Variants in TPD52 observed in about 807,000 individuals in gnomAD.
The protein encoded by TPD52 is tumor protein D52, also known as prostate and colon associated protein.
A neutral mutation model predicts 31.3 loss-of-function variants in TPD52; 17 were observed. The observed-to-expected ratio is 0.54, with a 90% CI of 0.37 to 0.82. TPD52 has a LOEUF of 0.82. Ranked by LOEUF, TPD52 falls within the 40% of genes least tolerant of loss-of-function variation. TPD52 has a pLI of 0.00. For missense variants in TPD52, 212 were observed against 240.1 expected (o/e 0.88, Z 0.77); for synonymous variants, 83 against 89.6 (o/e 0.93, Z 0.42).
At chr8:80,137,768 A>AGTTT (rs35451164) in intron 1 of TPD52, among the ~76,000 whole-genome samples, 2,081 of 152,220 alleles carry the variant, frequency 0.014, 22 homozygotes, top group Middle Eastern at 0.02. Context: ...AGAAGGGGAT[A>AGTTT]GTTTGGTCCT....
chr8:80,091,792 T>G (rs1266466977), intron 1 of TPD52, among the ~76,000 whole-genome samples: 4 of 152,188 alleles, frequency 2.6e-5, no homozygotes, highest in Non-Finnish European at 5.9e-5. Flanking sequence ...AACTACAGAT[T>G]CTGAGTTAGA....
At chr8:80,051,056 T>C (rs1586159487) in intron 4 of TPD52, among the ~76,000 whole-genome samples, 1 of 149,396 alleles carries the variant, frequency 6.7e-6, no homozygotes, top group South Asian at 2.1e-4. Flanking sequence ...AGCATGAACA[T>C]AGTTACAGCT....
chr8:80,080,740 C>A, intron 1 of TPD52: 2 of 1,093,552 alleles, frequency 1.8e-6, no homozygotes, highest in Non-Finnish European at 2.2e-6. Flanking sequence ...AAAACCTGGG[C>A]AGGGAGCGAG....
At position 80,137,432 on chromosome 8, in the gene TPD52, T is replaced by C. The variant is rs562377896; in HGVS notation, c.19+33993A>G. Among the ~76,000 whole-genome samples, 266 of 152,208 alleles carry C rather than the reference T, an allele frequency of 1.7e-3. 1 individual carries two copies. The highest frequency in any genetic ancestry group is 3.2e-3 in the Non-Finnish European group (220 of 68,012). ...ACTATATGTTAGATTTTTTTTTTAA[T>C]ATCCAAGATACGTGTCAGTTAAAAC... On this transcript the variant is annotated intron_variant, in intron 1 of 7. Transcript: ENST00000518937.
intron 1 of TPD52, among the ~76,000 whole-genome samples, chr8:80,167,086 T>C (rs376824204): frequency 6.0e-4 from 92 of 152,318 alleles, no homozygotes; most frequent in African/African-American, 2.0e-3. Context: ...AAGGCATTTT[T>C]ACATTCTTTT....
chr8:80,069,429 C>A (rs1227352050), intron 1 of TPD52, among the ~76,000 whole-genome samples: 3 of 152,080 alleles, frequency 2.0e-5, no homozygotes, highest in African/African-American at 7.2e-5. Context: ...CGTGCCACTG[C>A]ACTCCAGCCT....
At chr8:80,138,439 G>C (rs1809594082) in intron 1 of TPD52, among the ~76,000 whole-genome samples, 2 of 152,138 alleles carry the variant, frequency 1.3e-5, no homozygotes, top group Admixed American at 1.3e-4. Flanking sequence ...GCAGGTGCTG[G>C]AACACAACTC....
intron 1 of TPD52, among the ~76,000 whole-genome samples, chr8:80,106,239 T>TA (rs146248799): frequency 0.013 from 2,000 of 152,316 alleles, 44 homozygotes; most frequent in African/African-American, 0.045. Context: ...ATCCTTTGTA[T>TA]AACACAAAGG....
At chr8:80,167,027 A>G (rs1811762887) in intron 1 of TPD52, among the ~76,000 whole-genome samples, 1 of 152,164 alleles carries the variant, frequency 6.6e-6, no homozygotes, top group South Asian at 2.1e-4. Context: ...TTTTTTCTCC[A>G]TCAATATTTC....
At chr8:80,114,728 C>A (rs1160223928) in intron 1 of TPD52, among the ~76,000 whole-genome samples, 2 of 152,206 alleles carry the variant, frequency 1.3e-5, no homozygotes, top group South Asian at 4.1e-4. Context: ...GTTGATGTAG[C>A]CCTTTCTGGC....
At chr8:80,059,938 A>G (rs2130634251) in intron 2 of TPD52, among the ~76,000 whole-genome samples, 1 of 151,900 alleles carries the variant, frequency 6.6e-6, no homozygotes, top group South Asian at 2.1e-4. Flanking sequence ...AAAATTAGTC[A>G]GGCGTGGTGG....
chr8:80,155,833 A>T (rs1810928165), intron 1 of TPD52, among the ~76,000 whole-genome samples: 1 of 151,856 alleles, frequency 6.6e-6, no homozygotes, highest in Non-Finnish European at 1.5e-5. Context: ...CAGTGAGCCA[A>T]GATTGTGCCA....
intron 1 of TPD52, among the ~76,000 whole-genome samples, chr8:80,081,729 A>C (rs80113575): frequency 0.034 from 5,125 of 151,878 alleles, 263 homozygotes; most frequent in African/African-American, 0.12. Flanking sequence ...TTTTTTTTTA[A>C]ATACAGAATA....
intron 1 of TPD52, among the ~76,000 whole-genome samples, chr8:80,169,589 C>T (rs568074095): frequency 3.3e-5 from 5 of 152,316 alleles, no homozygotes; most frequent in Admixed American, 2.6e-4. Context: ...ACTCCACTCA[C>T]GTAAGTAAAA....
chr8:80,042,387 G>A lies in TPD52; in HGVS notation c.504+233C>T, dbSNP rs1810475034. ...CAAATTTCTAAAGTGCCATTTCTTT[G>A]TAAATTGTACATTTCCTTTCAGCAT... On this transcript the variant is annotated intron_variant, in intron 7 of 7. Transcript: ENST00000518937. The A allele has an allele frequency of 6.1e-6, 6 of 985,432 alleles. No individual in the cohort carries two copies. The South Asian group carries it at 2.8e-4, about 46-fold the overall frequency. The allele number at this position is 985,432 out of a possible 1,614,324, so 61.0% of individuals were successfully genotyped here.
At position 80,036,267 on chromosome 8, in the gene TPD52, G is replaced by A. The variant is rs967187272; in HGVS notation, c.*1849C>T. On this transcript the variant is annotated 3_prime_UTR_variant, in exon 8 of 8. Coordinates refer to ENST00000518937, the MANE Select transcript of TPD52 (RefSeq NM_001025253.3). ...TGTTGAAAAGTTAGTAGCAGGGCAG[G>A]ATGCTCAAGAAACAATGTGATCAAA... 6.6e-6 allele frequency: 1 copy of A among 152,524 alleles called. No individual in the cohort carries two copies. Among genetic ancestry groups the A allele is most frequent in the Non-Finnish European group, 1.5e-5 (1 of 68,032 alleles). The allele number at this position is 152,524 out of a possible 1,614,324, so 9.4% of individuals were successfully genotyped here.
intron 1 of TPD52, chr8:80,064,934 T>C: frequency 2.2e-6 from 1 of 451,818 alleles, no homozygotes; most frequent in Non-Finnish European, 4.3e-6. Flanking sequence ...AGTAAATCAG[T>C]ATAAATTAGA....
chr8:80,086,284 A>C (rs1469380523), intron 1 of TPD52, among the ~76,000 whole-genome samples: 1 of 151,272 alleles, frequency 6.6e-6, no homozygotes, highest in Non-Finnish European at 1.5e-5. Context: ...ACGCCCAGCT[A>C]ATTTTTGTAT....
At chr8:80,061,690 T>A (rs937617714) in intron 2 of TPD52, among the ~76,000 whole-genome samples, 31 of 152,126 alleles carry the variant, frequency 2.0e-4, no homozygotes, top group South Asian at 1.0e-3. Context: ...CTCAAAAAAA[T>A]TTTTTTAAAT....
Sources: allele counts gnomAD v4.1 joint callset (sites outside exome capture counted in the v4.1 genomes callset), GRCh38; gene constraint gnomAD v4.1.1; transcripts MANE v1.5; gene names NCBI Gene and HGNC (gene_info 2026-07-23, HGNC 2026-07-21).